MTMR7: variants seen among roughly 807,000 people sequenced by gnomAD.
The protein encoded by MTMR7 is myotubularin related protein 7.
MTMR7 carries 76 observed loss-of-function variants against 81.2 expected under a neutral mutation model. That is an observed-to-expected ratio of 0.94 (90% CI 0.78 to 1.13). The LOEUF is 1.13. MTMR7 is among the 50% of genes most tolerant of loss of function. The probability of loss-of-function intolerance (pLI) is 0.00; values close to 1 mark genes in which losing one functional copy is unlikely to be tolerated. For missense variants in MTMR7, 1,044 were observed against 820.0 expected, an observed-to-expected ratio of 1.27 and a Z score of -3.34; for synonymous variants, 372 against 289.8, an observed-to-expected ratio of 1.28 and a Z score of -2.88.
intron 1 of MTMR7, among the ~76,000 whole-genome samples, chr8:17,400,956 G>C (rs1821409012): frequency 6.6e-6 from 1 of 152,130 alleles, no homozygotes. Flanking sequence ...GTTGAAGTCT[G>C]GTGGTCTTGC....
intron 1 of MTMR7, among the ~76,000 whole-genome samples, chr8:17,412,343 AG>A (rs1308127052): frequency 5.9e-5 from 9 of 152,170 alleles, no homozygotes; most frequent in Non-Finnish European, 8.8e-5. Flanking sequence ...TTGACCTGTC[AG>A]GGGCCTACAT....
rs944352469 is a variant in MTMR7, at chr8:17,399,756, G to A, written c.24+13513C>T. Among the ~76,000 whole-genome samples the A allele has an allele frequency of 3.3e-5, 5 of 151,964 alleles. 1 individual carries two copies. The highest frequency in any genetic ancestry group is 4.1e-4 in the South Asian group (2 of 4,828). On this transcript the variant is annotated intron_variant, in intron 1 of 13. Transcript: ENST00000180173. ...GGCCAAGAGATATCCGCACTCCCAT[G>A]CTTATGGCAGCATTATTCACAGTAG... is the stretch of plus-strand genomic sequence containing the variant.
intron 4 of MTMR7, among the ~76,000 whole-genome samples, chr8:17,359,251 C>T (rs904127597): frequency 1.3e-5 from 2 of 152,166 alleles, no homozygotes; most frequent in South Asian, 2.1e-4. Flanking sequence ...ATTCATTTGA[C>T]GGACTACTGT....
chr8:17,332,398 C>G (rs1192692190), intron 6 of MTMR7, among the ~76,000 whole-genome samples: 1 of 152,140 alleles, frequency 6.6e-6, no homozygotes, highest in African/African-American at 2.4e-5. Context: ...TTGAAAAAAG[C>G]TGAAAACCCA....
intron 1 of MTMR7, among the ~76,000 whole-genome samples, chr8:17,394,226 A>T (rs962139754): frequency 6.6e-6 from 1 of 152,240 alleles, no homozygotes; most frequent in Non-Finnish European, 1.5e-5. Flanking sequence ...ATATTTTCAC[A>T]CACAAAGAAA....
At chr8:17,322,941 T>C (rs956391388) in intron 7 of MTMR7, among the ~76,000 whole-genome samples, 3 of 142,040 alleles carry the variant, frequency 2.1e-5, no homozygotes, top group East Asian at 2.2e-4. Flanking sequence ...CTAGAGTGGA[T>C]TGAATTATCT....
chr8:17,407,615 C>T (rs1473863658), intron 1 of MTMR7, among the ~76,000 whole-genome samples: 5 of 150,640 alleles, frequency 3.3e-5, no homozygotes, highest in South Asian at 2.1e-4. Flanking sequence ...AAAAGCCCCA[C>T]ATAACCTTCT....
chr8:17,304,033 A>G (rs1407027126), intron 12 of MTMR7, among the ~76,000 whole-genome samples: 1 of 152,178 alleles, frequency 6.6e-6, no homozygotes, highest in Non-Finnish European at 1.5e-5. Flanking sequence ...CAACCTTAAC[A>G]CGTCATGATC....
chr8:17,376,556 C>G (rs1219439184), intron 1 of MTMR7, among the ~76,000 whole-genome samples: 1 of 152,120 alleles, frequency 6.6e-6, no homozygotes, highest in African/African-American at 2.4e-5. Flanking sequence ...TTCCTACCAC[C>G]AATATACAAG....
At chr8:17,384,583 T>C (rs1585112003) in intron 1 of MTMR7, among the ~76,000 whole-genome samples, 2 of 152,324 alleles carry the variant, frequency 1.3e-5, no homozygotes, top group Admixed American at 6.5e-5. Flanking sequence ...GGCAAAGTAC[T>C]CTGACATACA....
chr8:17,398,800 AC>A (rs1263398841), intron 1 of MTMR7, among the ~76,000 whole-genome samples: 1 of 151,200 alleles, frequency 6.6e-6, no homozygotes, highest in Non-Finnish European at 1.5e-5. Flanking sequence ...AAGAGATGCA[AC>A]AAAAAAGTTA....
intron 1 of MTMR7, among the ~76,000 whole-genome samples, chr8:17,389,185 T>C (rs1211269788): frequency 1.3e-5 from 2 of 152,186 alleles, no homozygotes; most frequent in African/African-American, 2.4e-5. Flanking sequence ...TTTCCTCAAC[T>C]ACCCCAGTCC....
At position 17,373,139 on chromosome 8, in the gene MTMR7, A is replaced by C. The variant is rs1820470312; in HGVS notation, c.126T>G (p.Pro42=). Residue 42 remains proline, a synonymous_variant, in exon 2 of 14, where the codon CCT becomes CCG. Coordinates refer to ENST00000180173, the MANE Select transcript of MTMR7 (RefSeq NM_004686.5). ...ATHVIFVENS[P]DPRKETWILH... is the part of the protein sequence containing the mutation. ...ATACCCATGTTTCTTTTCTTGGGTC[A>C]GGTGAATTTTCCACGAATATGACAT... The C allele has an allele frequency of 1.9e-6, 3 of 1,613,880 alleles. No individual in the cohort carries two copies. Among genetic ancestry groups the C allele is most frequent in the South Asian group, 2.2e-5 (2 of 91,010 alleles).
At chr8:17,353,233 G>C (rs1198830204) in intron 4 of MTMR7, among the ~76,000 whole-genome samples, 2 of 152,264 alleles carry the variant, frequency 1.3e-5, no homozygotes, top group East Asian at 3.9e-4. Context: ...GGTATCTAAA[G>C]TAGTCAAATT....
intron 4 of MTMR7, among the ~76,000 whole-genome samples, chr8:17,350,399 G>A (rs144223443): frequency 2.0e-4 from 30 of 152,356 alleles, no homozygotes; most frequent in African/African-American, 5.8e-4. Context: ...CACGTCTTAC[G>A]TGGTAGCAGG....
In MTMR7 at chr8:17,390,145, G is replaced by T. The variant is rs183197667; in HGVS notation, c.25-16905C>A. ...CTGCCATAAAGAAATAACTGACACT[G>T]GGTAATTTATAAAGAGAAGAGGTTT... is the stretch of plus-strand genomic sequence containing the variant. On this transcript the variant is annotated intron_variant, in intron 1 of 13. Transcript: ENST00000180173. Among the ~76,000 whole-genome samples, 3 of 152,202 alleles carry T rather than the reference G, an allele frequency of 2.0e-5. No homozygotes were observed. In the East Asian group the frequency reaches 5.8e-4, roughly 29 times the overall value.
chr8:17,373,131 C>G lies in MTMR7; in HGVS notation c.134G>C (p.Arg45Thr). The part of the protein sequence containing the change: ...VIFVENSPDP[R>T]KETWILHSQI... ...AAGAAAGCATACCCATGTTTCTTTT[C>G]TTGGGTCAGGTGAATTTTCCACGAA... is the stretch of plus-strand genomic sequence containing the variant. Residue 45 changes from arginine (R) to threonine (T), a missense_variant, in exon 2 of 14, where the codon AGA becomes ACA. Coordinates refer to ENST00000180173, the MANE Select transcript of MTMR7 (RefSeq NM_004686.5). 2.5e-6 allele frequency: 4 copies of G among 1,613,790 alleles called. No individual in the cohort carries two copies. The highest frequency in any genetic ancestry group is 3.4e-6 in the Non-Finnish European group (4 of 1,179,834).
At chr8:17,412,173 T>A (rs1167710067) in intron 1 of MTMR7, among the ~76,000 whole-genome samples, 1 of 152,232 alleles carries the variant, frequency 6.6e-6, no homozygotes, top group East Asian at 1.9e-4. Context: ...CTTCTTCCAA[T>A]GACATGAGAT....
chr8:17,349,293 C>T, intron 4 of MTMR7: 1 of 493,958 alleles, frequency 2.0e-6, no homozygotes, highest in East Asian at 3.3e-5. Context: ...CGCAAGCTAC[C>T]CTTAGTGTTC....
Sources: allele counts gnomAD v4.1 joint callset (sites outside exome capture counted in the v4.1 genomes callset), GRCh38; gene constraint gnomAD v4.1.1; transcripts MANE v1.5; gene names NCBI Gene and HGNC (gene_info 2026-07-23, HGNC 2026-07-21).